Variants in ZFHX4 observed in about 807,000 individuals in gnomAD.
The protein encoded by ZFHX4 is zinc finger homeobox 4.
ZFHX4 carries 56 observed loss-of-function variants against 267.6 expected under a neutral mutation model. The observed-to-expected ratio is 0.21, with a 90% CI of 0.17 to 0.26. ZFHX4 has a LOEUF of 0.26. Ranked by LOEUF, ZFHX4 falls within the 10% of genes least tolerant of loss-of-function variation. ZFHX4 has a pLI of 1.00. For synonymous variants in ZFHX4, 1,778 were observed against 1,665.6 expected, an observed-to-expected ratio of 1.07 and a Z score of -1.64; for missense variants, 4,332 against 4,420.0, an observed-to-expected ratio of 0.98 and a Z score of 0.56.
chr8:76,834,208 C>T, intron 5 of ZFHX4: 1 of 409,216 alleles, frequency 2.4e-6, no homozygotes, highest in South Asian at 1.8e-5. Context: ...GGTGTCCAGG[C>T]TTTTGTGTGG....
chr8:76,857,354 TTATATATA>T (rs10576780), intron 10 of ZFHX4, among the ~76,000 whole-genome samples: 30,237 of 143,388 alleles, frequency 0.21, 3,581 homozygotes, highest in South Asian at 0.28. Flanking sequence ...TTCACTAATT[TTATATATA>T]TATATATATA....
chr8:76,706,032 A>G lies in ZFHX4; in HGVS notation c.1944A>G (p.Lys648=). Residue 648 remains lysine, a synonymous_variant, in exon 2 of 11, where the codon AAA becomes AAG. Transcript: ENST00000651372. ...RNSCKTLKCP[K]CNWHYKYQQT... ...CATGCAAAACCCTCAAATGTCCTAA[A>G]TGTAACTGGCACTACAAATATCAGC... is the stretch of plus-strand genomic sequence containing the variant. 6.2e-7 allele frequency: 1 copy of G among 1,613,604 alleles called. No homozygotes were observed. Among genetic ancestry groups the G allele is most frequent in the South Asian group, 1.1e-5 (1 of 91,058 alleles).
chr8:76,725,027 A>G (rs967584993), intron 3 of ZFHX4, among the ~76,000 whole-genome samples: 2 of 152,086 alleles, frequency 1.3e-5, no homozygotes, highest in African/African-American at 4.8e-5. Context: ...GTGTATGTGT[A>G]GATATTGATG....
At chr8:76,836,933 T>G (rs1461266433) in intron 5 of ZFHX4, among the ~76,000 whole-genome samples, 2 of 152,016 alleles carry the variant, frequency 1.3e-5, no homozygotes, top group African/African-American at 4.8e-5. Context: ...AGGATGCATA[T>G]GAATGGGAAA....
chr8:76,750,827 G>A (rs1471381246), intron 3 of ZFHX4, among the ~76,000 whole-genome samples: 3 of 151,982 alleles, frequency 2.0e-5, no homozygotes, highest in Non-Finnish European at 2.9e-5. Context: ...TTACTATAAC[G>A]ACTCATCTAA....
intron 3 of ZFHX4, among the ~76,000 whole-genome samples, chr8:76,722,975 G>A (rs1585883199): frequency 6.6e-6 from 1 of 152,028 alleles, no homozygotes; most frequent in South Asian, 2.1e-4. Context: ...GCTTTGAAGA[G>A]GAATGTAGCC....
Position 76,854,263 on chromosome 8 carries a change from C to A in ZFHX4, c.7342C>A (p.Pro2448Thr), listed in dbSNP as rs990672872. The change falls in exon 10 of 11, where the codon CCA becomes ACA. Residue 2448 changes from proline to threonine, a missense_variant. Pro to Thr is a conservative substitution (Grantham distance 38, BLOSUM62 -1). This residue lies in a region of ZFHX4 where 1,648 missense variants were observed against 1,625.0 expected (regional missense o/e 1.01). Coordinates refer to ENST00000651372, the MANE Select transcript of ZFHX4 (RefSeq NM_024721.5). ...PPQASTAQPQPQPQPPKQPQL... is the reference protein window; with the variant it reads ...PPQASTAQPQTQPQPPKQPQL... ...ACAGGCATCCACAGCCCAGCCACAG[C>A]CACAGCCACAGCCACCAAAACAACC... 4.4e-6 allele frequency: 7 copies of A among 1,580,474 alleles called. No homozygotes were observed. Among genetic ancestry groups the A allele is most frequent in the Non-Finnish European group, 4.3e-6 (5 of 1,163,452 alleles).
chr8:76,847,572 C>G (rs923904995), intron 6 of ZFHX4, among the ~76,000 whole-genome samples: 3 of 151,870 alleles, frequency 2.0e-5, no homozygotes, highest in African/African-American at 7.2e-5. Context: ...CTACCATGAA[C>G]CCCAAGAGAA....
intron 3 of ZFHX4, among the ~76,000 whole-genome samples, chr8:76,774,171 T>A (rs571414975): frequency 1.2e-4 from 19 of 152,250 alleles, no homozygotes; most frequent in Admixed American, 1.0e-3. Context: ...GTGCCCCTTG[T>A]GGCATTCAGG....
chr8:76,824,044 G>A (rs1318889700), intron 4 of ZFHX4, among the ~76,000 whole-genome samples: 1 of 152,188 alleles, frequency 6.6e-6, no homozygotes, highest in Non-Finnish European at 1.5e-5. Context: ...AAGAAAGAAG[G>A]TAATTGTATC....
At chr8:76,687,620 C>T (rs913192760) in intron 1 of ZFHX4, among the ~76,000 whole-genome samples, 1 of 152,144 alleles carries the variant, frequency 6.6e-6, no homozygotes, top group Admixed American at 6.6e-5. Flanking sequence ...TCTCCCTTTT[C>T]CACCCATTGG....
intron 4 of ZFHX4, among the ~76,000 whole-genome samples, chr8:76,830,432 A>G (rs571889189): frequency 3.0e-4 from 45 of 152,228 alleles, no homozygotes; most frequent in Non-Finnish European, 4.9e-4. Flanking sequence ...TCGTGTTAAC[A>G]GCAGTCAGAT....
chr8:76,781,989 T>C (rs886891701), intron 4 of ZFHX4, among the ~76,000 whole-genome samples: 24 of 151,958 alleles, frequency 1.6e-4, no homozygotes, highest in Admixed American at 5.9e-4. Flanking sequence ...AGTAATCAGA[T>C]AGGGATTTCA....
chr8:76,839,658 T>C (rs1170875391), intron 5 of ZFHX4, among the ~76,000 whole-genome samples: 2 of 152,242 alleles, frequency 1.3e-5, no homozygotes, highest in African/African-American at 4.8e-5. Context: ...TGTAATATAT[T>C]AGTGAAGAGG....
chr8:76,735,171 C>G (rs888406265), intron 3 of ZFHX4, among the ~76,000 whole-genome samples: 3 of 152,046 alleles, frequency 2.0e-5, no homozygotes, highest in African/African-American at 2.4e-5. Context: ...TCTGCCATTC[C>G]ATTATGCTGT....
chr8:76,706,490 A>G lies in ZFHX4; in HGVS notation c.2402A>G (p.Asn801Ser), dbSNP rs570354533. 1.2e-6 allele frequency: 2 copies of G among 1,613,998 alleles called. No homozygotes were observed. The highest frequency in any genetic ancestry group is 2.7e-5 in the African/African-American group (2 of 75,066). ...HMHNMMLLQQ[N>S]MKQIQHNLHL... ...CATAATATGATGCTTTTGCAGCAGAACATGAAGCAGATCCAGCATAATCTG... is the reference window on the plus strand; with the variant it reads ...CATAATATGATGCTTTTGCAGCAGAGCATGAAGCAGATCCAGCATAATCTG... The change falls in exon 2 of 11, where the codon AAC becomes AGC. Residue 801 changes from asparagine (N) to serine (S), a missense_variant. By Grantham distance (46) the Asn-to-Ser change is conservative. Transcript: ENST00000651372.
At chr8:76,758,859 G>A (rs984605670) in intron 3 of ZFHX4, among the ~76,000 whole-genome samples, 5 of 152,046 alleles carry the variant, frequency 3.3e-5, no homozygotes, top group Admixed American at 6.6e-5. Context: ...GAGGTCTGTG[G>A]CACCTTCATT....
chr8:76,799,656 T>TA (rs1361765419), intron 4 of ZFHX4, among the ~76,000 whole-genome samples: 1 of 152,198 alleles, frequency 6.6e-6, no homozygotes, highest in African/African-American at 2.4e-5. Flanking sequence ...ACTCGAGTGT[T>TA]TACTAAGTGG....
At chr8:76,729,114 C>T (rs1172692739) in intron 3 of ZFHX4, among the ~76,000 whole-genome samples, 7 of 152,060 alleles carry the variant, frequency 4.6e-5, no homozygotes, top group Non-Finnish European at 7.4e-5. Context: ...ACTAAAAATC[C>T]TTTAATAGGA....
Sources: gnomAD v4.1 joint callset for allele counts (sites outside exome capture counted in the v4.1 genomes callset) on GRCh38, gnomAD v4.1.1 for gene constraint, gnomAD v4.1.1 regional missense constraint, MANE v1.5 for transcripts, NCBI Gene and HGNC (gene_info 2026-07-23, HGNC 2026-07-21) for gene names.